Variants in UBA6 observed in about 807,000 individuals in gnomAD.
UBA6 encodes ubiquitin like modifier activating enzyme 6.
Under a neutral mutation model 148.3 loss-of-function variants are expected in UBA6, and 87 were observed. The ratio of observed to expected loss-of-function variants is 0.59; its 90% CI spans 0.49 to 0.70. The LOEUF (loss-of-function observed/expected upper bound fraction) is 0.70, where lower values mean the gene tolerates loss of function less well. UBA6 is among the 30% of genes least tolerant of loss of function. The probability of loss-of-function intolerance (pLI) is 0.00; values close to 1 mark genes in which losing one functional copy is unlikely to be tolerated. For synonymous variants in UBA6, 376 were observed against 401.0 expected (o/e 0.94, Z 0.75); for missense variants, 1,186 against 1,241.2 (o/e 0.96, Z 0.67).
Position 67,701,089 on chromosome 4 carries a change from G to C in UBA6, c.31C>G (p.Gln11Glu), listed in dbSNP as rs772494921. 1.3e-5 allele frequency: 21 copies of C among 1,613,592 alleles called. No homozygotes were observed. Among genetic ancestry groups the C allele is most frequent in the South Asian group, 7.7e-5 (7 of 91,086 alleles). ...GAAGAACAGGACGCCTCTTCCCCCT[G>C]ATGGGCGGCCACAGGCTCGGATCCT... MEGSEPVAAH[Q>E]GEEASCSSWG... The change falls in exon 1 of 33, where the codon CAG becomes GAG. Residue 11 changes from glutamine (Q) to glutamate (E), a missense_variant. By Grantham distance (29) the Gln-to-Glu change is conservative. Coordinates refer to ENST00000322244, the MANE Select transcript of UBA6 (RefSeq NM_018227.6).
At chr4:67,630,794 G>A (rs1728980126) in intron 25 of UBA6, among the ~76,000 whole-genome samples, 1 of 152,136 alleles carries the variant, frequency 6.6e-6, no homozygotes, top group Non-Finnish European at 1.5e-5. Flanking sequence ...ACCTTGGGAA[G>A]AGGAGTGAGT....
intron 19 of UBA6, among the ~76,000 whole-genome samples, chr4:67,637,234 A>G (rs1221873513): frequency 1.5e-5 from 2 of 134,244 alleles, no homozygotes; most frequent in Non-Finnish European, 3.2e-5. Context: ...GGGGGGCAGC[A>G]CCCGTCTGGC....
chr4:67,657,346 T>C (rs71598037), intron 13 of UBA6, among the ~76,000 whole-genome samples: 34,914 of 151,930 alleles, frequency 0.23, 4,164 homozygotes, highest in Middle Eastern at 0.3. Flanking sequence ...TAGAGACCAA[T>C]GGAACAGAAC....
intron 14 of UBA6, among the ~76,000 whole-genome samples, chr4:67,647,320 A>G (rs1729442234): frequency 6.6e-6 from 1 of 151,696 alleles, no homozygotes; most frequent in South Asian, 2.1e-4. Flanking sequence ...ATTTTTTTGT[A>G]TTTTTAGTAG....
Position 67,634,425 on chromosome 4 carries a change from T to C in UBA6, c.1932+4A>G, listed in dbSNP as rs373256833. ...AGAAAATAAATTTAAAAAGGAACTT[T>C]TACCTTATCTCTTGCCCACTGTATG... On this transcript the variant is annotated splice_donor_region_variant and intron_variant, in intron 21 of 32. Coordinates refer to ENST00000322244, the MANE Select transcript of UBA6 (RefSeq NM_018227.6). The C allele has an allele frequency of 4.3e-5, 67 of 1,573,560 alleles. No homozygotes were observed. Among genetic ancestry groups the C allele is most frequent in the Non-Finnish European group, 5.6e-5 (66 of 1,168,652 alleles).
intron 2 of UBA6, among the ~76,000 whole-genome samples, chr4:67,696,332 TG>T (rs1730832582): frequency 2.0e-5 from 3 of 151,988 alleles, no homozygotes; most frequent in Admixed American, 2.0e-4. Flanking sequence ...ATTATCCGAA[TG>T]TAGATAAAAA....
chr4:67,670,194 T>A (rs2109939651), intron 8 of UBA6, among the ~76,000 whole-genome samples: 1 of 152,316 alleles, frequency 6.6e-6, no homozygotes, highest in South Asian at 2.1e-4. Context: ...TCCACCCCTG[T>A]CAGCCTCCAA....
intron 18 of UBA6, among the ~76,000 whole-genome samples, chr4:67,640,935 G>A (rs76164240): frequency 0.01 from 1,549 of 152,158 alleles, 14 homozygotes; most frequent in Non-Finnish European, 0.015. Context: ...AATACTGCCT[G>A]TTTCACAACT....
At chr4:67,664,264 T>G (rs546133968) in intron 10 of UBA6, among the ~76,000 whole-genome samples, 1 of 152,022 alleles carries the variant, frequency 6.6e-6, no homozygotes, top group South Asian at 2.1e-4. Flanking sequence ...TACCAGGTTG[T>G]CAAGACTTAT....
At chr4:67,683,600 A>G (rs888148298) in intron 2 of UBA6, among the ~76,000 whole-genome samples, 1 of 150,342 alleles carries the variant, frequency 6.7e-6, no homozygotes, top group African/African-American at 2.5e-5. Flanking sequence ...TTCATCAGCT[A>G]TCATTACTGT....
intron 17 of UBA6, among the ~76,000 whole-genome samples, chr4:67,641,787 A>G (rs1380715855): frequency 6.6e-6 from 1 of 152,164 alleles, no homozygotes; most frequent in Non-Finnish European, 1.5e-5. Context: ...GGCAGAACTG[A>G]TAAGTTGTGA....
chr4:67,631,600 A>G, intron 25 of UBA6, 108 bp downstream of exon 25: 1 of 840,306 alleles, frequency 1.2e-6, no homozygotes, highest in Non-Finnish European at 1.8e-6. Flanking sequence ...GGATGAAATA[A>G]TTTAACATTA....
At position 67,662,219 on chromosome 4, in the gene UBA6, T is replaced by C; in HGVS notation, c.1074A>G (p.Ala358=). 1.2e-6 allele frequency: 2 copies of C among 1,613,686 alleles called. No homozygotes were observed. Among genetic ancestry groups the C allele is most frequent in the Non-Finnish European group, 1.7e-6 (2 of 1,179,830 alleles). Residue 358 remains alanine (A), a synonymous_variant, in exon 13 of 33, where the codon GCA becomes GCG. Coordinates refer to ENST00000322244, the MANE Select transcript of UBA6 (RefSeq NM_018227.6). ...QQDSEELLKL[A]TSISETLEEK... ...CTTCCAAGGTTTCACTTATAGATGT[T>C]GCTAGTTTCAACAGTTCTTCTGAAT... is the stretch of plus-strand genomic sequence containing the variant.
chr4:67,662,506 C>A, intron 12 of UBA6: 1 of 354,708 alleles, frequency 2.8e-6, no homozygotes. Flanking sequence ...TCACTGTCAC[C>A]CAGGCTGGAG....
intron 1 of UBA6, among the ~76,000 whole-genome samples, chr4:67,699,924 C>T (rs1316531119): frequency 6.6e-6 from 1 of 152,108 alleles, no homozygotes; most frequent in Non-Finnish European, 1.5e-5. Context: ...TTATTATCTA[C>T]TTTCCTATCA....
At position 67,643,214 on chromosome 4, in the gene UBA6, A is replaced by T. The variant is rs191023779; in HGVS notation, c.1476+1484T>A. ...ACTTAAAGTATAATAATAATAAAAT[A>T]AAATTAAAAAAAATTCTATTATTGG... is the stretch of plus-strand genomic sequence containing the variant. On this transcript the variant is annotated intron_variant, in intron 17 of 32. Coordinates refer to ENST00000322244, the MANE Select transcript of UBA6 (RefSeq NM_018227.6). Among the ~76,000 whole-genome samples the T allele has an allele frequency of 2.2e-4, 34 of 151,952 alleles. No homozygotes were observed. The East Asian group carries it at 6.0e-3, about 27-fold the overall frequency.
In UBA6 at chr4:67,641,223, T is replaced by C; in HGVS notation, c.1482A>G (p.Thr494=). The C allele has an allele frequency of 1.3e-6, 2 of 1,570,238 alleles. No homozygotes were observed. The highest frequency in any genetic ancestry group is 1.7e-6 in the Non-Finnish European group (2 of 1,151,172). The part of the protein sequence containing the change: ...VGTSKEKGMI[T]VTDPDLIEKS... ...TCTCTATCAAGTCAGGATCTGTAAC[T>C]GTAATCTAATATCAAGAAAATATGG... Residue 494 remains threonine (T), a synonymous_variant, in exon 18 of 33, where the codon ACA becomes ACG. Coordinates refer to ENST00000322244, the MANE Select transcript of UBA6 (RefSeq NM_018227.6).
chr4:67,629,166 C>T, intron 26 of UBA6, 24 bp from the exon 27 acceptor site: 1 of 1,462,432 alleles, frequency 6.8e-7, no homozygotes, highest in Non-Finnish European at 9.6e-7. Context: ...AGTAATTTTA[C>T]CAACAAACAT....
chr4:67,681,191 G>A lies in UBA6; in HGVS notation c.258+372C>T, dbSNP rs77649841. On this transcript the variant is annotated intron_variant, in intron 4 of 32. Transcript: ENST00000322244. ...GGTATTAAGAGCTTGTTACATTTTAGGTGTGAAAATTATATTGCTGCTTCA... is the reference window on the plus strand; with the variant it reads ...GGTATTAAGAGCTTGTTACATTTTAAGTGTGAAAATTATATTGCTGCTTCA... Among the ~76,000 whole-genome samples the A allele has an allele frequency of 4.8e-3, 732 of 152,156 alleles. 6 individuals carry two copies. The highest frequency in any genetic ancestry group is 8.4e-3 in the Non-Finnish European group (571 of 67,996).
Sources: gnomAD v4.1 joint callset for allele counts (sites outside exome capture counted in the v4.1 genomes callset) on GRCh38, gnomAD v4.1.1 for gene constraint, MANE v1.5 for transcripts, NCBI Gene and HGNC (gene_info 2026-07-23, HGNC 2026-07-21) for gene names.